The following CAST variants were observed in gnomAD, a reference collection of about 807,000 sequenced individuals.
CAST encodes calpastatin.
In CAST, 76 loss-of-function variants were observed where a neutral mutation model predicts 119.6. That is an observed-to-expected ratio of 0.64 (90% confidence interval 0.53 to 0.77). The LOEUF is 0.77. CAST is among the 30% of genes least tolerant of loss of function. The pLI, the probability that CAST is intolerant of heterozygous loss-of-function variation, is 0.00. For missense variants in CAST, 953 were observed against 946.5 expected, an observed-to-expected ratio of 1.01 and a Z score of -0.09; for synonymous variants, 319 against 331.6, an observed-to-expected ratio of 0.96 and a Z score of 0.41.
chr5:96,660,375 A>G (rs893260583), upstream of CAST, among the ~76,000 whole-genome samples: 42 of 152,226 alleles, frequency 2.8e-4, no homozygotes, highest in African/African-American at 9.6e-4. Flanking sequence ...TACAAATGCC[A>G]TATAACTTCA....
At chr5:96,012,854 C>T in the CAST span, among the ~76,000 whole-genome samples, 3 of 152,102 alleles carry the variant, frequency 2.0e-5, no homozygotes, top group Non-Finnish European at 4.4e-5. Flanking sequence ...ACTTAAGAAC[C>T]CTTGCATGCT....
chr5:96,028,432 G>A, the CAST span, among the ~76,000 whole-genome samples: 1 of 151,880 alleles, frequency 6.6e-6, no homozygotes, highest in African/African-American at 2.4e-5. Context: ...TCAATATTCA[G>A]CCAAGCTTAA....
chr5:96,661,919 G>A (rs975659662), upstream of CAST, among the ~76,000 whole-genome samples: 2 of 152,232 alleles, frequency 1.3e-5, no homozygotes, highest in Non-Finnish European at 2.9e-5. Context: ...AGACTGTCCA[G>A]GCTTGGGCCA....
the CAST span, among the ~76,000 whole-genome samples, chr5:96,343,222 G>A: frequency 6.6e-6 from 1 of 151,908 alleles, no homozygotes; most frequent in Non-Finnish European, 1.5e-5. Context: ...GGGTACACAA[G>A]ATAAAAATTT....
intron 1 of CAST, among the ~76,000 whole-genome samples, chr5:96,594,944 C>A (rs1310457749): frequency 6.6e-6 from 1 of 152,122 alleles, no homozygotes; most frequent in Non-Finnish European, 1.5e-5. Context: ...GGAAGCAGCT[C>A]TTTTTCCAGA....
chr5:96,412,750 A>ATTTTTTTTTTTTTT, the CAST span, among the ~76,000 whole-genome samples: 8 of 63,378 alleles, frequency 1.3e-4, no homozygotes, highest in African/African-American at 6.4e-4. Flanking sequence ...GGCAGCTGTG[A>ATTTTTTTTTTTTTT]TGTTTTTTTT....
At chr5:96,387,587 G>A in the CAST span, among the ~76,000 whole-genome samples, 2 of 152,076 alleles carry the variant, frequency 1.3e-5, no homozygotes, top group Non-Finnish European at 2.9e-5. Context: ...TATTCAGTAA[G>A]CATTTTCTTA....
chr5:96,091,779 C>T, the CAST span, among the ~76,000 whole-genome samples: 1 of 152,188 alleles, frequency 6.6e-6, no homozygotes, highest in East Asian at 1.9e-4. Context: ...GCTGGGATTA[C>T]AGGCATGAGC....
chr5:96,025,647 A>G, the CAST span, among the ~76,000 whole-genome samples: 1 of 152,216 alleles, frequency 6.6e-6, no homozygotes, highest in African/African-American at 2.4e-5. Flanking sequence ...CAGTCCCATC[A>G]CATAAACAAA....
At chr5:96,209,990 G>T in the CAST span, 3 of 151,104 alleles carry the variant, frequency 2.0e-5, no homozygotes, top group East Asian at 5.8e-4. Flanking sequence ...GTCTATTTAT[G>T]TAATCCCATA....
chr5:96,060,518 A>G, the CAST span, among the ~76,000 whole-genome samples: 1 of 152,144 alleles, frequency 6.6e-6, no homozygotes, highest in African/African-American at 2.4e-5. Context: ...TATCACCAAG[A>G]AAAGGTAAAA....
At chr5:96,089,968 C>A in the CAST span, among the ~76,000 whole-genome samples, 1 of 152,174 alleles carries the variant, frequency 6.6e-6, no homozygotes, top group Non-Finnish European at 1.5e-5. Flanking sequence ...GTTCCTCCCC[C>A]ACTAATTAGC....
the CAST span, among the ~76,000 whole-genome samples, chr5:96,466,772 A>G: frequency 6.6e-6 from 1 of 152,232 alleles, no homozygotes; most frequent in South Asian, 2.1e-4. Flanking sequence ...GAAACTTATA[A>G]TACCTCTAAT....
chr5:96,377,372 G>A, the CAST span, among the ~76,000 whole-genome samples: 1 of 152,036 alleles, frequency 6.6e-6, no homozygotes, highest in Admixed American at 6.6e-5. Flanking sequence ...TTCACCCACA[G>A]CAACTTACAG....
At chr5:96,039,824 T>C in the CAST span, among the ~76,000 whole-genome samples, 1 of 152,222 alleles carries the variant, frequency 6.6e-6, no homozygotes, top group Non-Finnish European at 1.5e-5. Context: ...CCAGCATTGT[T>C]CTTCTTGCCC....
At chr5:96,761,078 A>G (rs888431165) in intron 24 of CAST, 2 of 152,142 alleles carry the variant, frequency 1.3e-5, no homozygotes, top group African/African-American at 4.8e-5. Flanking sequence ...ATGATTTAGT[A>G]TTTTTAAAGA....
the CAST span, among the ~76,000 whole-genome samples, chr5:96,177,836 C>T: frequency 3.9e-5 from 6 of 152,150 alleles, no homozygotes; most frequent in East Asian, 3.9e-4. Context: ...CACTCTGGTC[C>T]GTTTGGAGAC....
the CAST span, among the ~76,000 whole-genome samples, chr5:96,068,029 T>C: frequency 6.6e-6 from 1 of 152,098 alleles, no homozygotes; most frequent in Non-Finnish European, 1.5e-5. Context: ...AAAGAGCATC[T>C]CTGGGAATAA....
chr5:96,073,806 T>C, the CAST span, among the ~76,000 whole-genome samples: 1 of 152,344 alleles, frequency 6.6e-6, no homozygotes, highest in East Asian at 1.9e-4. Flanking sequence ...TAACAGCTCA[T>C]GGACCACTAC....
Sources: gnomAD v4.1 joint callset for allele counts (sites outside exome capture counted in the v4.1 genomes callset) on GRCh38, gnomAD v4.1.1 for gene constraint, MANE v1.5 for transcripts, NCBI Gene and HGNC (gene_info 2026-07-23, HGNC 2026-07-21) for gene names.